The following PTPRZ1 variants were observed in gnomAD, a reference collection of about 807,000 sequenced individuals.
PTPRZ1 encodes the protein protein tyrosine phosphatase receptor type Z1, also known as receptor-type tyrosine-protein phosphatase zeta.
In PTPRZ1, 82 loss-of-function variants were observed where a neutral mutation model predicts 214.1. The ratio of observed to expected loss-of-function variants is 0.38; its 90% CI spans 0.32 to 0.46. The LOEUF is 0.46. PTPRZ1 is among the 20% of genes least tolerant of loss of function. The pLI is 1.00. For synonymous variants in PTPRZ1, 945 were observed against 987.9 expected (o/e 0.96, Z 0.81); for missense variants, 2,603 against 2,748.7 (o/e 0.95, Z 1.19).
chr7:121,884,141 G>A (rs1794325377), intron 1 of PTPRZ1, among the ~76,000 whole-genome samples: 1 of 152,006 alleles, frequency 6.6e-6, no homozygotes, highest in Non-Finnish European at 1.5e-5. Flanking sequence ...CCAAACTTTT[G>A]TCTATTTTAA....
chr7:121,987,809 A>C (rs997826738), intron 8 of PTPRZ1, among the ~76,000 whole-genome samples: 1 of 152,236 alleles, frequency 6.6e-6, no homozygotes, highest in Non-Finnish European at 1.5e-5. Flanking sequence ...AAAAAAATGT[A>C]GTACATATAC....
At chr7:122,019,612 AT>A (rs935121040) in intron 13 of PTPRZ1, among the ~76,000 whole-genome samples, 1 of 147,098 alleles carries the variant, frequency 6.8e-6, no homozygotes, top group Non-Finnish European at 1.5e-5. Context: ...TTAAGAAAAC[AT>A]TTTTTATATA....
chr7:121,974,430 A>G (rs1797366727), intron 4 of PTPRZ1, among the ~76,000 whole-genome samples: 1 of 152,128 alleles, frequency 6.6e-6, no homozygotes, highest in Non-Finnish European at 1.5e-5. Context: ...ACCTAATACA[A>G]TTATTTTAAT....
chr7:121,962,807 G>A (rs1030971578), intron 2 of PTPRZ1, among the ~76,000 whole-genome samples: 4 of 151,720 alleles, frequency 2.6e-5, no homozygotes, highest in Admixed American at 6.6e-5. Context: ...CTCGTGATCC[G>A]CCCACCTCGG....
chr7:121,996,014 G>C (rs1398080815), intron 8 of PTPRZ1, among the ~76,000 whole-genome samples: 3 of 152,166 alleles, frequency 2.0e-5, no homozygotes, highest in Non-Finnish European at 4.4e-5. Flanking sequence ...TCCACTAGAG[G>C]AGTCAAGATT....
intron 14 of PTPRZ1, among the ~76,000 whole-genome samples, chr7:122,031,197 C>T (rs1194069135): frequency 6.6e-6 from 1 of 151,858 alleles, no homozygotes; most frequent in African/African-American, 2.4e-5. Context: ...AGGAGTGGGG[C>T]TATGGTGGTA....
At chr7:121,941,444 C>G (rs2116422608) in intron 2 of PTPRZ1, among the ~76,000 whole-genome samples, 1 of 152,256 alleles carries the variant, frequency 6.6e-6, no homozygotes, top group South Asian at 2.1e-4. Context: ...GTTCCAAAGC[C>G]TTGTGTATGG....
intron 2 of PTPRZ1, among the ~76,000 whole-genome samples, chr7:121,936,434 A>C (rs976662098): frequency 7.9e-5 from 12 of 152,204 alleles, no homozygotes; most frequent in African/African-American, 2.9e-4. Context: ...AAAAATATCA[A>C]ACTATTAAAG....
chr7:121,881,705 T>C (rs1193568351), intron 1 of PTPRZ1, among the ~76,000 whole-genome samples: 7 of 152,200 alleles, frequency 4.6e-5, no homozygotes, highest in Non-Finnish European at 1.0e-4. Flanking sequence ...CTATGGTGAT[T>C]GACCTCATAG....
At position 122,012,443 on chromosome 7, in the gene PTPRZ1, C is replaced by T; in HGVS notation, c.3397C>T (p.Gln1133Ter). ...AGTTCAACCTACACATACTGTCTCTCAAGCATCTGGTGACACTTCGCTTAA... is the reference window on the plus strand; with the variant it reads ...AGTTCAACCTACACATACTGTCTCTTAAGCATCTGGTGACACTTCGCTTAA... ...FSVQPTHTVS[Q>*]ASGDTSLKPV... The change falls in exon 12 of 30, where the codon CAA becomes TAA. Residue 1133 changes from glutamine (Q) to a stop codon, truncating the protein, a stop_gained. Coordinates refer to ENST00000393386, the MANE Select transcript of PTPRZ1 (RefSeq NM_002851.3). LOFTEE classifies it high-confidence loss of function. 1 of 1,613,540 alleles carries T rather than the reference C, an allele frequency of 6.2e-7. No homozygotes were observed. Among genetic ancestry groups the T allele is most frequent in the Non-Finnish European group, 8.5e-7 (1 of 1,179,526 alleles).
chr7:122,009,327 T>C (rs1411070579), intron 11 of PTPRZ1, among the ~76,000 whole-genome samples: 1 of 152,018 alleles, frequency 6.6e-6, no homozygotes, highest in African/African-American at 2.4e-5. Context: ...AAGTTCTCAA[T>C]GGCTGTACTC....
intron 1 of PTPRZ1, among the ~76,000 whole-genome samples, chr7:121,901,358 C>T (rs1275788807): frequency 3.3e-5 from 5 of 152,122 alleles, no homozygotes; most frequent in African/African-American, 1.2e-4. Flanking sequence ...AATATTATTG[C>T]AGAAAAGATG....
chr7:121,983,800 C>T lies in PTPRZ1; in HGVS notation c.755C>T (p.Thr252Ile). The change falls in exon 7 of 30, where the codon ACA becomes ATA. Residue 252 changes from threonine to isoleucine, a missense_variant. Thr to Ile is a moderately conservative substitution (Grantham distance 89). Transcript: ENST00000393386. ...GTTGACTGGATTGTTTTTAAAGATACAGTTAGCATCTCTGAAAGCCAGGTA... is the reference window on the plus strand; with the variant it reads ...GTTGACTGGATTGTTTTTAAAGATATAGTTAGCATCTCTGAAAGCCAGGTA... ...DTVDWIVFKD[T>I]VSISESQLAV... 1 of 1,611,664 alleles carries T rather than the reference C, an allele frequency of 6.2e-7. No homozygotes were observed. Among genetic ancestry groups the T allele is most frequent in the Non-Finnish European group, 8.5e-7 (1 of 1,179,450 alleles).
chr7:121,895,291 A>T (rs1191949038), intron 1 of PTPRZ1, among the ~76,000 whole-genome samples: 2 of 152,060 alleles, frequency 1.3e-5, no homozygotes, highest in Admixed American at 1.3e-4. Context: ...ACCCTCTTTA[A>T]GTCTTGCAGG....
At chr7:121,887,934 A>G (rs983307915) in intron 1 of PTPRZ1, among the ~76,000 whole-genome samples, 3 of 152,048 alleles carry the variant, frequency 2.0e-5, no homozygotes, top group Non-Finnish European at 4.4e-5. Flanking sequence ...CCTTTCTACC[A>G]AGAACAAGAT....
At chr7:121,973,585 C>T (rs1206288880) in intron 4 of PTPRZ1, among the ~76,000 whole-genome samples, 1 of 152,042 alleles carries the variant, frequency 6.6e-6, no homozygotes, top group Non-Finnish European at 1.5e-5. Flanking sequence ...GTAGCTGCAC[C>T]TGCCTTATAA....
At chr7:121,998,757 A>G (rs1176136193) in intron 10 of PTPRZ1, among the ~76,000 whole-genome samples, 1 of 152,176 alleles carries the variant, frequency 6.6e-6, no homozygotes, top group Non-Finnish European at 1.5e-5. Flanking sequence ...GCATATATGT[A>G]TATATACATA....
chr7:121,898,123 C>T (rs764077867), intron 1 of PTPRZ1, among the ~76,000 whole-genome samples: 3 of 151,968 alleles, frequency 2.0e-5, no homozygotes, highest in Non-Finnish European at 4.4e-5. Flanking sequence ...GCTATCAGTC[C>T]TCTCGGTGCA....
chr7:121,965,012 A>G (rs1248033128), intron 2 of PTPRZ1, among the ~76,000 whole-genome samples: 3 of 152,192 alleles, frequency 2.0e-5, no homozygotes, highest in Non-Finnish European at 2.9e-5. Context: ...TTTTATTTTG[A>G]GTGAGATGAA....
Sources: gnomAD v4.1 joint callset for allele counts (sites outside exome capture counted in the v4.1 genomes callset) on GRCh38, gnomAD v4.1.1 for gene constraint, MANE v1.5 for transcripts, NCBI Gene and HGNC (gene_info 2026-07-23, HGNC 2026-07-21) for gene names.